Variants in GRIN3A observed in about 807,000 individuals in gnomAD.
The protein encoded by GRIN3A is glutamate receptor ionotropic, NMDA 3A.
Under a neutral mutation model 92.4 loss-of-function variants are expected in GRIN3A, and 47 were observed. The ratio of observed to expected loss-of-function variants is 0.51; its 90% CI spans 0.40 to 0.65. The LOEUF is 0.65. Among genes scored for constraint, GRIN3A ranks in the 30% least tolerant of loss-of-function variants. The pLI, the probability that GRIN3A is intolerant of heterozygous loss-of-function variation, is 0.00. For missense variants in GRIN3A, 1,324 were observed against 1,393.1 expected (o/e 0.95, Z 0.79); for synonymous variants, 527 against 540.6 (o/e 0.97, Z 0.35).
chr9:101,662,012 T>G lies in GRIN3A; in HGVS notation c.2352+8048A>C, dbSNP rs563713645. ...TTTATTTCCTGAATTACTGTTACTA[T>G]TCTTTATTTATTTGATTTTAAGGTT... On this transcript the variant is annotated intron_variant, in intron 3 of 8. Coordinates refer to ENST00000361820, the MANE Select transcript of GRIN3A (RefSeq NM_133445.3). Among the ~76,000 whole-genome samples, 448 of 151,756 alleles carry G rather than the reference T, an allele frequency of 3.0e-3. 1 individual carries two copies. Among genetic ancestry groups the G allele is most frequent in the Non-Finnish European group, 5.3e-3 (360 of 67,894 alleles).
Position 101,737,395 on chromosome 9 carries a change from C to G in GRIN3A, c.585G>C (p.Ala195=). The change falls in exon 1 of 9, where the codon GCG becomes GCC. Residue 195 remains alanine, a synonymous_variant. Transcript: ENST00000361820. ...CCTGGCTCTGGGGGAAGGCGAGCAG[C>G]GCCGACACCCCTTGCACCACCACGG... The part of the protein sequence containing the change: ...CHTVVVQGVS[A]LLAFPQSQGE... The G allele has an allele frequency of 6.2e-7, 1 of 1,614,244 alleles. No homozygotes were observed. Among genetic ancestry groups the G allele is most frequent in the Non-Finnish European group, 8.5e-7 (1 of 1,180,050 alleles).
Position 101,573,070 on chromosome 9 carries a change from TC to T in GRIN3A, c.*103del. On this transcript the variant is annotated 3_prime_UTR_variant, in exon 9 of 9. Coordinates refer to ENST00000361820, the MANE Select transcript of GRIN3A (RefSeq NM_133445.3). The stretch of plus-strand genomic sequence containing the variant: ...CTTGACCTTTAAGAAGACCTAGACC[TC>T]AGCTTCCCCACACCTTTGTCGATAG... The T allele has an allele frequency of 9.7e-7, 1 of 1,031,222 alleles. No homozygotes were observed. The highest frequency in any genetic ancestry group is 1.5e-6 in the Non-Finnish European group (1 of 656,582). The allele number at this position is 1,031,222 out of a possible 1,614,324, so 63.9% of individuals were successfully genotyped here.
intron 1 of GRIN3A, among the ~76,000 whole-genome samples, chr9:101,714,141 A>G (rs533135771): frequency 1.3e-5 from 2 of 152,332 alleles, no homozygotes; most frequent in East Asian, 1.9e-4. Flanking sequence ...TAAAGGACGC[A>G]TTATGAAAAC....
At chr9:101,683,248 A>G (rs1373001514) in intron 2 of GRIN3A, among the ~76,000 whole-genome samples, 1 of 152,212 alleles carries the variant, frequency 6.6e-6, no homozygotes, top group African/African-American at 2.4e-5. Flanking sequence ...TAAGATGTTA[A>G]CAGTTCTGTC....
chr9:101,670,323 A>G lies in GRIN3A; in HGVS notation c.2089T>C (p.Trp697Arg), dbSNP rs1273943016. The G allele has an allele frequency of 1.2e-6, 2 of 1,614,068 alleles. No homozygotes were observed. Among genetic ancestry groups the G allele is most frequent in the South Asian group, 2.2e-5 (2 of 91,076 alleles). ...ITAVFLTLYE[W>R]KSPFGLTPKG... ...GGAGTCAAACCAAATGGACTCTTCC[A>G]TTCATACAGAGTGAGGAAGACGGCA... Residue 697 changes from tryptophan to arginine, a missense_variant, in exon 3 of 9, where the codon TGG (tryptophan) becomes CGG (arginine). By Grantham distance (101) the Trp-to-Arg change is moderately radical. Coordinates refer to ENST00000361820, the MANE Select transcript of GRIN3A (RefSeq NM_133445.3).
At chr9:101,723,725 C>A (rs985345674) in intron 1 of GRIN3A, among the ~76,000 whole-genome samples, 1 of 152,074 alleles carries the variant, frequency 6.6e-6, no homozygotes, top group Non-Finnish European at 1.5e-5. Context: ...AGTGTGGACA[C>A]AAAGGTTCTC....
At position 101,571,507 on chromosome 9, in the gene GRIN3A, T is replaced by C. The variant is rs976138610; in HGVS notation, c.*1667A>G. The C allele has an allele frequency of 1.3e-5, 2 of 152,068 alleles. No individual in the cohort carries two copies. The highest frequency in any genetic ancestry group is 2.9e-5 in the Non-Finnish European group (2 of 68,034). 9.4% of individuals were successfully genotyped at this position (152,068 alleles called of 1,614,324 possible). On this transcript the variant is annotated 3_prime_UTR_variant, in exon 9 of 9. Transcript: ENST00000361820. ...TGTAGGCATTCAAATTGGTTGGGGG[T>C]GGAACAATGAGTCCTGAGAAGATAA...
chr9:101,577,054 A>G (rs1827835360), intron 8 of GRIN3A, among the ~76,000 whole-genome samples: 1 of 152,206 alleles, frequency 6.6e-6, no homozygotes, highest in South Asian at 2.1e-4. Flanking sequence ...GAAATAGGGA[A>G]CAGTCATCCA....
At position 101,738,088 on chromosome 9, in the gene GRIN3A, C is replaced by T; in HGVS notation, c.-109G>A. The T allele has an allele frequency of 1.1e-6, 1 of 919,214 alleles. No homozygotes were observed. The highest frequency in any genetic ancestry group is 1.7e-6 in the Non-Finnish European group (1 of 585,506). 56.9% of individuals were successfully genotyped at this position (919,214 alleles called of 1,614,324 possible). A position where few individuals can be genotyped will look rare whatever the true frequency, so the allele number is the denominator to read the frequency against. On this transcript the variant is annotated 5_prime_UTR_variant, in exon 1 of 9. In the 5' UTR this introduces an upstream ATG that the reference lacks. Coordinates refer to ENST00000361820, the MANE Select transcript of GRIN3A (RefSeq NM_133445.3). ...AGGTCCCGCGCGCAGCTTCACTCCACTCGGTGAAGCGGTCCCAGGAGCTGG... is the reference window on the plus strand; with the variant it reads ...AGGTCCCGCGCGCAGCTTCACTCCATTCGGTGAAGCGGTCCCAGGAGCTGG...
chr9:101,734,619 G>A (rs1158051111), intron 1 of GRIN3A, among the ~76,000 whole-genome samples: 1 of 151,894 alleles, frequency 6.6e-6, no homozygotes, highest in African/African-American at 2.4e-5. Context: ...TCAGGGGTTT[G>A]TCCATCTCAG....
chr9:101,603,692 G>A (rs373530343), intron 6 of GRIN3A, among the ~76,000 whole-genome samples: 1 of 152,182 alleles, frequency 6.6e-6, no homozygotes, highest in East Asian at 1.9e-4. Flanking sequence ...GATAACAAGC[G>A]GGCCAAAGAA....
chr9:101,733,425 G>A (rs1830164124), intron 1 of GRIN3A, among the ~76,000 whole-genome samples: 1 of 152,168 alleles, frequency 6.6e-6, no homozygotes, highest in Non-Finnish European at 1.5e-5. Flanking sequence ...GCTTTAAAAA[G>A]TTTTGCATCA....
At chr9:101,693,854 C>G (rs1216421687) in intron 1 of GRIN3A, among the ~76,000 whole-genome samples, 1 of 152,264 alleles carries the variant, frequency 6.6e-6, no homozygotes, top group East Asian at 1.9e-4. Flanking sequence ...GTAGAGTAAG[C>G]AAGTTTGGAA....
At chr9:101,724,324 G>T (rs971601752) in intron 1 of GRIN3A, among the ~76,000 whole-genome samples, 1 of 152,152 alleles carries the variant, frequency 6.6e-6, no homozygotes, top group African/African-American at 2.4e-5. Flanking sequence ...CACTGCTGGG[G>T]GACCCAGTAC....
intron 2 of GRIN3A, among the ~76,000 whole-genome samples, chr9:101,671,742 C>A (rs1017650972): frequency 6.6e-6 from 1 of 152,114 alleles, no homozygotes; most frequent in African/African-American, 2.4e-5. Flanking sequence ...ATCCATGGAA[C>A]AAAGGAAAAG....
intron 2 of GRIN3A, among the ~76,000 whole-genome samples, chr9:101,673,523 C>T (rs933173551): frequency 3.9e-5 from 6 of 152,010 alleles, no homozygotes; most frequent in Admixed American, 6.6e-5. Flanking sequence ...TTTAGTCTTA[C>T]GATAAGGGTG....
At chr9:101,614,679 GTGCCATCATGGCT>G (rs1444783744) in intron 5 of GRIN3A, among the ~76,000 whole-genome samples, 1 of 136,316 alleles carries the variant, frequency 7.3e-6, no homozygotes, top group East Asian at 2.2e-4. Flanking sequence ...GAGTGCCATG[GTGCCATCATGGCT>G]CACTGCAACC....
intron 3 of GRIN3A, among the ~76,000 whole-genome samples, chr9:101,647,737 C>A (rs535155384): frequency 6.6e-6 from 1 of 151,720 alleles, no homozygotes; most frequent in Non-Finnish European, 1.5e-5. Context: ...TTGCATACCT[C>A]CAAGAATTTC....
intron 2 of GRIN3A, among the ~76,000 whole-genome samples, chr9:101,671,490 A>G (rs1483790066): frequency 2.0e-5 from 3 of 152,132 alleles, no homozygotes; most frequent in Admixed American, 6.5e-5. Context: ...TCCTATTTCT[A>G]TTGTTGACTA....
Sources: allele counts gnomAD v4.1 joint callset (sites outside exome capture counted in the v4.1 genomes callset), GRCh38; gene constraint gnomAD v4.1.1; transcripts MANE v1.5; gene names NCBI Gene and HGNC (gene_info 2026-07-23, HGNC 2026-07-21).